The following MAF variants were observed in gnomAD, a reference collection of about 807,000 sequenced individuals.
MAF encodes the protein MAF bZIP transcription factor, also known as transcription factor Maf.
A neutral mutation model predicts 22.0 loss-of-function variants in MAF; 10 were observed. The ratio of observed to expected loss-of-function variants is 0.45; its 90% CI spans 0.28 to 0.77. MAF has a LOEUF of 0.77. Ranked by LOEUF, MAF falls within the 30% of genes least tolerant of loss-of-function variation. The pLI is 0.12. For synonymous variants in MAF, 337 were observed against 255.8 expected (o/e 1.32, Z -3.03); for missense variants, 544 against 548.4 (o/e 0.99, Z 0.08).
the MAF span, among the ~76,000 whole-genome samples, chr16:79,295,123 A>T: frequency 3.3e-4 from 51 of 152,276 alleles, no homozygotes; most frequent in African/African-American, 1.2e-3. Context: ...TCTATAAATA[A>T]GACAAATGAA....
the MAF span, among the ~76,000 whole-genome samples, chr16:79,316,234 T>A: frequency 1.3e-5 from 2 of 152,338 alleles, no homozygotes; most frequent in South Asian, 4.1e-4. Flanking sequence ...GTAACCTTAC[T>A]TAGCAAATGA....
the MAF span, among the ~76,000 whole-genome samples, chr16:79,267,660 G>C: frequency 6.6e-6 from 1 of 152,200 alleles, no homozygotes; most frequent in Non-Finnish European, 1.5e-5. Flanking sequence ...TTTTGGGCAA[G>C]ACACTTCATC....
the MAF span, among the ~76,000 whole-genome samples, chr16:79,256,086 A>G: frequency 6.7e-6 from 1 of 149,066 alleles, no homozygotes; most frequent in Non-Finnish European, 1.5e-5. Context: ...GGTTCAAGCA[A>G]TTCTCCTGCC....
At chr16:79,293,018 T>C in the MAF span, among the ~76,000 whole-genome samples, 16 of 152,238 alleles carry the variant, frequency 1.1e-4, no homozygotes, top group African/African-American at 4.8e-5. Context: ...TTGTTTAGCA[T>C]ATAATCAAGA....
At chr16:79,236,602 G>A in the MAF span, among the ~76,000 whole-genome samples, 3 of 152,166 alleles carry the variant, frequency 2.0e-5, no homozygotes, top group Admixed American at 2.0e-4. Flanking sequence ...AAGGGGCTCA[G>A]GAAATATTGT....
In MAF at chr16:79,586,417, C is replaced by T. The variant is rs1443110115; in HGVS notation, c.1119-476G>A. On this transcript the variant is annotated intron_variant, in intron 1 of 1. Transcript: ENST00000569649. Reference sequence around the variant, plus strand: ...TTCCTTCTCTTCCATCTGCCCCCACCTCCTCTGTTGCTTTGTCTATCCTGC... The same window carrying T: ...TTCCTTCTCTTCCATCTGCCCCCACTTCCTCTGTTGCTTTGTCTATCCTGC... Among the ~76,000 whole-genome samples, 4 of 152,362 alleles carry T rather than the reference C, an allele frequency of 2.6e-5. No individual in the cohort carries two copies. In the East Asian group the frequency reaches 7.7e-4, roughly 29 times the overall value.
At chr16:79,372,001 G>T in the MAF span, among the ~76,000 whole-genome samples, 2 of 151,750 alleles carry the variant, frequency 1.3e-5, no homozygotes, top group African/African-American at 4.8e-5. Flanking sequence ...ATTGCACACA[G>T]GTAAGCCATG....
downstream of MAF, among the ~76,000 whole-genome samples, chr16:79,591,572 A>G (rs1169316807): frequency 2.6e-5 from 4 of 152,220 alleles, no homozygotes; most frequent in Non-Finnish European, 5.9e-5. Flanking sequence ...TGTGTAAGGA[A>G]CTGTGCATTC....
intron 1 of MAF, chr16:79,586,058 AAAG>A: frequency 1.8e-6 from 1 of 548,792 alleles, no homozygotes; most frequent in Non-Finnish European, 3.2e-6. Context: ...AATTACACCA[AAAG>A]AAGAGTGATT....
At chr16:79,456,682 T>C in the MAF span, among the ~76,000 whole-genome samples, 13 of 152,256 alleles carry the variant, frequency 8.5e-5, no homozygotes, top group African/African-American at 2.6e-4. Flanking sequence ...GCAAGTGTCT[T>C]CTGCAACATG....
At chr16:79,579,000 AT>A in the MAF span, among the ~76,000 whole-genome samples, 1 of 152,166 alleles carries the variant, frequency 6.6e-6, no homozygotes, top group Non-Finnish European at 1.5e-5. Flanking sequence ...ACATGGCTTT[AT>A]ATTTTACCTT....
the MAF span, among the ~76,000 whole-genome samples, chr16:79,282,713 C>G: frequency 6.6e-6 from 1 of 152,304 alleles, no homozygotes; most frequent in Non-Finnish European, 1.5e-5. Flanking sequence ...GTAAGTAGAT[C>G]TCTTTACTTT....
At chr16:79,369,729 A>G in the MAF span, among the ~76,000 whole-genome samples, 9 of 152,184 alleles carry the variant, frequency 5.9e-5, no homozygotes, top group African/African-American at 2.2e-4. Context: ...GCAATCTTAC[A>G]AATCTCAGCC....
chr16:79,334,844 T>C, the MAF span, among the ~76,000 whole-genome samples: 2 of 87,712 alleles, frequency 2.3e-5, no homozygotes, highest in African/African-American at 3.3e-5. Context: ...ATAAAGTGTG[T>C]GTGTGTGTGT....
chr16:79,371,700 G>A, the MAF span, among the ~76,000 whole-genome samples: 25 of 152,136 alleles, frequency 1.6e-4, no homozygotes, highest in African/African-American at 5.8e-4. Context: ...CTCAGGTCCT[G>A]TCTCCCTCTT....
At chr16:79,250,259 C>G in the MAF span, among the ~76,000 whole-genome samples, 1 of 152,174 alleles carries the variant, frequency 6.6e-6, no homozygotes, top group African/African-American at 2.4e-5. Flanking sequence ...CTGTGTTATC[C>G]TTGCAAAGGA....
chr16:79,362,961 C>T, the MAF span, among the ~76,000 whole-genome samples: 1 of 151,964 alleles, frequency 6.6e-6, no homozygotes, highest in Non-Finnish European at 1.5e-5. Flanking sequence ...ATTAACTATC[C>T]AACTAGTAAT....
At chr16:79,411,226 C>T in the MAF span, among the ~76,000 whole-genome samples, 2 of 146,992 alleles carry the variant, frequency 1.4e-5, no homozygotes, top group African/African-American at 5.3e-5. Flanking sequence ...TGGGACCTCG[C>T]CTTTCTCGTT....
chr16:79,319,211 T>G, the MAF span, among the ~76,000 whole-genome samples: 1 of 152,170 alleles, frequency 6.6e-6, no homozygotes, highest in African/African-American at 2.4e-5. Context: ...CTTCTAATTC[T>G]TCTATGTCCA....
Sources: gnomAD v4.1 joint callset for allele counts (sites outside exome capture counted in the v4.1 genomes callset) on GRCh38, gnomAD v4.1.1 for gene constraint, MANE v1.5 for transcripts, NCBI Gene and HGNC (gene_info 2026-07-23, HGNC 2026-07-21) for gene names.